Variants in RHO observed in about 807,000 individuals in gnomAD.
RHO encodes opsin 2, rod pigment.
Under a neutral mutation model 31.2 loss-of-function variants are expected in RHO, and 21 were observed. The ratio of observed to expected loss-of-function variants is 0.67; its 90% confidence interval spans 0.48 to 0.97. RHO has a LOEUF of 0.97. Ranked by LOEUF, RHO falls within the 50% of genes least tolerant of loss-of-function variation. The pLI is 0.00. For missense variants in RHO, 414 were observed against 479.5 expected (o/e 0.86, Z 1.28); for synonymous variants, 211 against 196.6 (o/e 1.07, Z -0.61).
At position 129,534,356 on chromosome 3, in the gene RHO, G is replaced by A. The variant is rs1465369340; in HGVS notation, c.*638G>A. 1 of 152,742 alleles carries A rather than the reference G, an allele frequency of 6.5e-6. No homozygotes were observed. 9.5% of individuals were successfully genotyped at this position (152,742 alleles called of 1,614,324 possible). On this transcript the variant is annotated 3_prime_UTR_variant, in exon 5 of 5. Transcript: ENST00000296271. Reference sequence around the variant, plus strand: ...TTTGTAAATAGCAAGAAGCTGTACAGATTCTAGTTAATGTTGTGAATAACA... The same window carrying A: ...TTTGTAAATAGCAAGAAGCTGTACAAATTCTAGTTAATGTTGTGAATAACA...
At chr3:129,533,115 A>G (rs984749754) in intron 4 of RHO, among the ~76,000 whole-genome samples, 2 of 152,068 alleles carry the variant, frequency 1.3e-5, no homozygotes, top group African/African-American at 4.8e-5. Context: ...GTCTCCATAA[A>G]GCTGAATAAG....
rs1553781099 is a variant in RHO, at chr3:129,530,533, A to ACACACAC, written c.362-343_362-342insCACACAC. ...CACACACACACACACACACACACACAACACACACACACACACACACACACA... is the reference window on the plus strand; with the variant it reads ...CACACACACACACACACACACACACACACACACACACACACACACACACACACACACA... On this transcript the variant is annotated intron_variant, in intron 1 of 4. Transcript: ENST00000296271. Among the ~76,000 whole-genome samples the ACACACAC allele has an allele frequency of 2.0e-3, 241 of 122,912 alleles. 1 individual carries two copies. The highest frequency in any genetic ancestry group is 8.3e-3 in the African/African-American group (205 of 24,568). The allele number at this position is 122,912 out of a possible 152,430, so 80.6% of individuals were successfully genotyped here.
At chr3:129,533,564 A>G in intron 4 of RHO, 44 bp from the exon 5 acceptor site, 1 of 1,437,306 alleles carries the variant, frequency 7.0e-7, no homozygotes, top group Non-Finnish European at 9.8e-7. Flanking sequence ...TTCCAAGCAC[A>G]CTGTGGGCAG....
In RHO at chr3:129,531,520, G is replaced by A. The variant is rs144222821; in HGVS notation, c.530+476G>A. On this transcript the variant is annotated intron_variant, in intron 2 of 4. Transcript: ENST00000296271. Reference sequence around the variant, plus strand: ...AGTGGGGACAGTGGTTTGGACAATAGGACTGGTGACTCTGGTCCCCAGAGG... The same window carrying A: ...AGTGGGGACAGTGGTTTGGACAATAAGACTGGTGACTCTGGTCCCCAGAGG... Among the ~76,000 whole-genome samples, 10 of 152,264 alleles carry A rather than the reference G, an allele frequency of 6.6e-5. No individual in the cohort carries two copies. In the East Asian group the frequency reaches 1.5e-3, roughly 24 times the overall value.
At position 129,529,215 on chromosome 3, in the gene RHO, A is replaced by T. The variant is rs2084760254; in HGVS notation, c.361+121A>T. On this transcript the variant is annotated intron_variant, in intron 1 of 4. Coordinates refer to ENST00000296271, the MANE Select transcript of RHO (RefSeq NM_000539.3). ...TCCCTTCTCCTGTCCTGTCAATGTT[A>T]TCCAAAGCCCTCATATATTCAGTCA... The T allele has an allele frequency of 3.1e-6, 4 of 1,271,028 alleles. No individual in the cohort carries two copies. In the South Asian group the frequency reaches 4.3e-5, roughly 14 times the overall value. The allele number at this position is 1,271,028 out of a possible 1,614,324, so 78.7% of individuals were successfully genotyped here. A position where few individuals can be genotyped will look rare whatever the true frequency, so the allele number is the denominator to read the frequency against.
intron 1 of RHO, among the ~76,000 whole-genome samples, chr3:129,529,572 G>T (rs1406981060): frequency 3.3e-5 from 5 of 152,186 alleles, no homozygotes; most frequent in African/African-American, 4.8e-5. Flanking sequence ...CTCAGGGTGG[G>T]AAGTGGATTT....
chr3:129,528,878 G>A lies in RHO; in HGVS notation c.145G>A (p.Val49Met), dbSNP rs534819675. The change falls in exon 1 of 5, where the codon GTG becomes ATG. Residue 49 changes from valine to methionine, a missense_variant. Val to Met is a conservative substitution (Grantham distance 21, BLOSUM62 1). Coordinates refer to ENST00000296271, the MANE Select transcript of RHO (RefSeq NM_000539.3). ...GGCCGCCTACATGTTTCTGCTGATC[G>A]TGCTGGGCTTCCCCATCAACTTCCT... ...MLAAYMFLLIVLGFPINFLTL... is the reference protein window; with the variant it reads ...MLAAYMFLLIMLGFPINFLTL... The A allele has an allele frequency of 8.2e-5, 133 of 1,614,214 alleles. No individual in the cohort carries two copies. The highest frequency in any genetic ancestry group is 9.4e-5 in the Non-Finnish European group (111 of 1,180,044).
chr3:129,532,463 C>T lies in RHO; in HGVS notation c.696+47C>T, dbSNP rs1420894712. The stretch of plus-strand genomic sequence containing the variant: ...GCCTCACGGCTCTGAGGGTCCAGCC[C>T]CCAGCATGCATCTGCGGCTCCTGCT... On this transcript the variant is annotated intron_variant, in intron 3 of 4. Transcript: ENST00000296271. The surrounding 1 kb of genome is among the most constrained non-coding windows in gnomAD (Gnocchi z 5.5). The T allele has an allele frequency of 1.9e-6, 3 of 1,613,732 alleles. No individual in the cohort carries two copies. The highest frequency in any genetic ancestry group is 2.5e-6 in the Non-Finnish European group (3 of 1,180,018).
At chr3:129,529,942 G>T (rs2084765736) in intron 1 of RHO, among the ~76,000 whole-genome samples, 2 of 152,186 alleles carry the variant, frequency 1.3e-5, no homozygotes, top group Non-Finnish European at 2.9e-5. Context: ...CTGCTGAGAT[G>T]CAGGAGGAGA....
In RHO at chr3:129,532,610, C is replaced by T; in HGVS notation, c.774C>T (p.Val258=). The T allele has an allele frequency of 1.2e-6, 2 of 1,614,224 alleles. No homozygotes were observed. Among genetic ancestry groups the T allele is most frequent in the African/African-American group, 2.7e-5 (2 of 75,062 alleles). The change falls in exon 4 of 5, where the codon GTC becomes GTT. Residue 258 remains valine (V), a synonymous_variant. Transcript: ENST00000296271. The surrounding 1 kb of genome is among the most constrained non-coding windows in gnomAD (Gnocchi z 5.5). The part of the protein sequence containing the change: ...KEVTRMVIIM[V]IAFLICWVPY... ...TCACCCGCATGGTCATCATCATGGT[C>T]ATCGCTTTCCTGATCTGCTGGGTGC...
chr3:129,533,579 G>T, intron 4 of RHO, 29 bp from the exon 5 acceptor site: 1 of 1,538,684 alleles, frequency 6.5e-7, no homozygotes, highest in Non-Finnish European at 9.0e-7. Flanking sequence ...GGGCAGCCCT[G>T]GCCCTGACTC....
rs2084808135 is a variant in RHO, at chr3:129,534,604, G to C, written c.*886G>C. The C allele has an allele frequency of 6.6e-6, 1 of 152,550 alleles. No homozygotes were observed. The highest frequency in any genetic ancestry group is 2.1e-4 in the South Asian group (1 of 4,832). 9.4% of individuals were successfully genotyped at this position (152,550 alleles called of 1,614,324 possible). On this transcript the variant is annotated 3_prime_UTR_variant, in exon 5 of 5. Transcript: ENST00000296271. ...GACCTGAAAAAACAACACTGGGGGA[G>C]GGGGACGGTGAAGGCCAAGTTCCCA...
At chr3:129,529,265 C>T (rs970189152) in intron 1 of RHO, among the ~76,000 whole-genome samples, 171 bp downstream of exon 1, 29 of 152,218 alleles carry the variant, frequency 1.9e-4, no homozygotes, top group Admixed American at 5.9e-4. Flanking sequence ...TGGTGATAGC[C>T]GGGCTGCTGT....
In RHO at chr3:129,532,699, T is replaced by C; in HGVS notation, c.863T>C (p.Met288Thr). Reference sequence around the variant, plus strand: ...GGCTCCAACTTCGGTCCCATCTTCATGACCATCCCAGCGTTCTTTGCCAAG... The same window carrying C: ...GGCTCCAACTTCGGTCCCATCTTCACGACCATCCCAGCGTTCTTTGCCAAG... ...HQGSNFGPIFMTIPAFFAKSA... is the reference protein window; with the variant it reads ...HQGSNFGPIFTTIPAFFAKSA... The change falls in exon 4 of 5, where the codon ATG (methionine) becomes ACG (threonine). Residue 288 changes from methionine to threonine, a missense_variant. Met to Thr is a moderately conservative substitution (Grantham distance 81). Coordinates refer to ENST00000296271, the MANE Select transcript of RHO (RefSeq NM_000539.3). The surrounding 1 kb of genome is among the most constrained non-coding windows in gnomAD (Gnocchi z 5.5). 6.2e-7 allele frequency: 1 copy of C among 1,614,292 alleles called. No homozygotes were observed. The highest frequency in any genetic ancestry group is 8.5e-7 in the Non-Finnish European group (1 of 1,180,056).
In RHO at chr3:129,528,979, T is replaced by C. The variant is rs769544430; in HGVS notation, c.246T>C (p.Ala82=). 1 of 1,614,138 alleles carries C rather than the reference T, an allele frequency of 6.2e-7. No individual in the cohort carries two copies. The highest frequency in any genetic ancestry group is 8.5e-7 in the Non-Finnish European group (1 of 1,180,054). The change falls in exon 1 of 5, where the codon GCT becomes GCC. Residue 82 remains alanine (A), a synonymous_variant. Transcript: ENST00000296271. Reference sequence around the variant, plus strand: ...ACATCCTGCTCAACCTAGCCGTGGCTGACCTCTTCATGGTCCTAGGTGGCT... The same window carrying C: ...ACATCCTGCTCAACCTAGCCGTGGCCGACCTCTTCATGGTCCTAGGTGGCT... ...LNYILLNLAV[A]DLFMVLGGFT... is the part of the protein sequence containing the mutation.
chr3:129,529,264 C>T (rs1024369421), intron 1 of RHO, among the ~76,000 whole-genome samples, 170 bp downstream of exon 1: 1 of 152,228 alleles, frequency 6.6e-6, no homozygotes, highest in African/African-American at 2.4e-5. Context: ...ATGGTGATAG[C>T]CGGGCTGCTG....
In RHO at chr3:129,529,054, C is replaced by T. The variant is rs781266982; in HGVS notation, c.321C>T (p.Pro107=). The T allele has an allele frequency of 6.2e-7, 1 of 1,613,446 alleles. No individual in the cohort carries two copies. Among genetic ancestry groups the T allele is most frequent in the Non-Finnish European group, 8.5e-7 (1 of 1,179,504 alleles). Residue 107 remains proline, a synonymous_variant, in exon 1 of 5, where the codon CCC becomes CCT. Transcript: ENST00000296271. ...TSLHGYFVFG[P]TGCNLEGFFA... ...TGCATGGATACTTCGTCTTCGGGCC[C>T]ACAGGATGCAATTTGGAGGGCTTCT...
Position 129,532,540 on chromosome 3 carries a change from C to G in RHO, c.704C>G (p.Ala235Gly), listed in dbSNP as rs1390478420. 6.2e-7 allele frequency: 1 copy of G among 1,613,990 alleles called. No homozygotes were observed. Among genetic ancestry groups the G allele is most frequent in the Non-Finnish European group, 8.5e-7 (1 of 1,180,042 alleles). The change falls in exon 4 of 5, where the codon GCC becomes GGC. Residue 235 changes from alanine (A) to glycine (G), a missense_variant. Physicochemically the swap from Ala to Gly is moderately conservative, Grantham distance 60. Coordinates refer to ENST00000296271, the MANE Select transcript of RHO (RefSeq NM_000539.3). The surrounding 1 kb of genome is among the most constrained non-coding windows in gnomAD (Gnocchi z 5.5). Reference protein sequence around the residue: ...QLVFTVKEAAAQQQESATTQK... With the variant: ...QLVFTVKEAAGQQQESATTQK... ...GGGTCCCGTGTCCTGCAGGCCGCTG[C>G]CCAGCAGCAGGAGTCAGCCACCACA...
Position 129,532,425 on chromosome 3 carries a change from C to A in RHO, c.696+9C>A, listed in dbSNP as rs368352202. On this transcript the variant is annotated intron_variant, in intron 3 of 4. Coordinates refer to ENST00000296271, the MANE Select transcript of RHO (RefSeq NM_000539.3). This position sits in a 1 kb window ranked among gnomAD's most constrained non-coding sequence, Gnocchi z 5.5. ...TCTTCACCGTCAAGGAGGTACGGGC[C>A]GGGGGGTGGGCGGCCTCACGGCTCT... is the stretch of plus-strand genomic sequence containing the variant. The A allele has an allele frequency of 1.2e-5, 19 of 1,613,472 alleles. No homozygotes were observed. The African/African-American group carries it at 1.9e-4, about 16-fold the overall frequency.
Sources: gnomAD v4.1 joint callset for allele counts (sites outside exome capture counted in the v4.1 genomes callset) on GRCh38, gnomAD v4.1.1 for gene constraint, Gnocchi (gnomAD v3.1) non-coding constraint, MANE v1.5 for transcripts, NCBI Gene and HGNC (gene_info 2026-07-23, HGNC 2026-07-21) for gene names.